The following RPF2 variants were observed in gnomAD, a reference collection of about 807,000 sequenced individuals.
RPF2 encodes brix domain containing 1.
Under a neutral mutation model 38.9 loss-of-function variants are expected in RPF2, and 21 were observed. That is an observed-to-expected ratio of 0.54 (90% CI 0.38 to 0.78). RPF2 has a LOEUF of 0.78. RPF2 is among the 30% of genes least tolerant of loss of function. RPF2 has a pLI of 0.00. For synonymous variants in RPF2, 121 were observed against 126.2 expected, an observed-to-expected ratio of 0.96 and a Z score of 0.28; for missense variants, 314 against 358.1, an observed-to-expected ratio of 0.88 and a Z score of 0.99.
chr6:110,985,222 C>T (rs572862137), intron 2 of RPF2, 84 bp downstream of exon 2: 32 of 1,181,390 alleles, frequency 2.7e-5, no homozygotes, highest in Middle Eastern at 2.1e-4. Flanking sequence ...CGGAGAAATA[C>T]GTAGATAAGC....
chr6:111,022,973 A>G (rs955107401), intron 8 of RPF2, among the ~76,000 whole-genome samples: 1 of 152,250 alleles, frequency 6.6e-6, no homozygotes, highest in African/African-American at 2.4e-5. Flanking sequence ...ATCTCGGCTC[A>G]CTGCAACCTC....
chr6:110,982,191 G>A, intron 1 of RPF2, 62 bp downstream of exon 1: 1 of 1,574,796 alleles, frequency 6.4e-7, no homozygotes, highest in Non-Finnish European at 8.7e-7. Context: ...TGATGAGGGT[G>A]GTACTGTCTC....
At chr6:110,993,290 C>T (rs1020758237) in intron 4 of RPF2, among the ~76,000 whole-genome samples, 2 of 135,020 alleles carry the variant, frequency 1.5e-5, no homozygotes, top group African/African-American at 6.0e-5. Context: ...GTTCACTTGA[C>T]CTTTTTAATG....
chr6:111,008,181 ACAGTCT>A (rs1771950357), intron 7 of RPF2, 44 bp downstream of exon 7: 1 of 1,534,782 alleles, frequency 6.5e-7, no homozygotes, highest in South Asian at 1.3e-5. Flanking sequence ...GCTCAGGAAG[ACAGTCT>A]CAGACTCTCA....
In RPF2 at chr6:111,009,222, A is replaced by AT. The variant is rs371506040; in HGVS notation, c.493+1090dup. On this transcript the variant is annotated intron_variant, in intron 7 of 9. Coordinates refer to ENST00000441448, the MANE Select transcript of RPF2 (RefSeq NM_032194.3). Reference sequence around the variant, plus strand: ...AGGCACCTGCCACCATGCCCAGCTTATTTTTGTATTTTTAGTAGAGATGGA... The same window carrying AT: ...AGGCACCTGCCACCATGCCCAGCTTATTTTTTGTATTTTTAGTAGAGATGGA... Among the ~76,000 whole-genome samples, 280 of 151,994 alleles carry AT rather than the reference A, an allele frequency of 1.8e-3. 1 individual carries two copies. Among genetic ancestry groups the AT allele is most frequent in the African/African-American group, 6.5e-3 (268 of 41,472 alleles).
chr6:111,024,837 A>G (rs1473003920), intron 9 of RPF2, among the ~76,000 whole-genome samples: 1 of 152,234 alleles, frequency 6.6e-6, no homozygotes, highest in African/African-American at 2.4e-5. Context: ...AAGAGTTGCA[A>G]AACCCAGACA....
At chr6:110,998,304 G>A (rs985206652) in intron 5 of RPF2, among the ~76,000 whole-genome samples, 1 of 152,174 alleles carries the variant, frequency 6.6e-6, no homozygotes, top group Non-Finnish European at 1.5e-5. Flanking sequence ...GGAGTTGTAC[G>A]TATGCTCATT....
intron 8 of RPF2, among the ~76,000 whole-genome samples, chr6:111,019,567 T>C (rs1479094654): frequency 6.6e-6 from 1 of 151,902 alleles, no homozygotes; most frequent in Non-Finnish European, 1.5e-5. Flanking sequence ...CATAACACCG[T>C]CGCTACTAAA....
rs1352359230 is a variant in RPF2, at chr6:111,015,870, T to TTTCC, written c.596+15_596+16insTCCT. On this transcript the variant is annotated intron_variant, in intron 8 of 9. Transcript: ENST00000441448. ...TCGAAGCTATAAGTAAGTGCATTTCTTCACATATTTTCTTAATCCTCAGGG... is the reference window on the plus strand; with the variant it reads ...TCGAAGCTATAAGTAAGTGCATTTCTTTCCTCACATATTTTCTTAATCCTCAGGG... 2.0e-5 allele frequency: 31 copies of TTTCC among 1,536,174 alleles called. No homozygotes were observed. Among genetic ancestry groups the TTTCC allele is most frequent in the Non-Finnish European group, 2.7e-5 (30 of 1,109,710 alleles).
In RPF2 at chr6:111,025,569, T is replaced by C; in HGVS notation, c.908T>C (p.Ile303Thr). The change falls in exon 10 of 10, where the codon ATT (isoleucine) becomes ACT (threonine). Residue 303 changes from isoleucine (I) to threonine (T), a missense_variant. Transcript: ENST00000441448. ...GACCACGAGAAAAAGTCAAAAAGAA[T>C]TAAAAAAAATTGATGGAACTTAGCC... ...TEDHEKKSKR[I>T]KKN is the part of the protein sequence containing the mutation. 1.2e-6 allele frequency: 2 copies of C among 1,603,662 alleles called. No individual in the cohort carries two copies. The highest frequency in any genetic ancestry group is 1.7e-6 in the Non-Finnish European group (2 of 1,177,188).
chr6:111,024,704 C>CAAA (rs397737242), intron 9 of RPF2, among the ~76,000 whole-genome samples: 16 of 89,242 alleles, frequency 1.8e-4, no homozygotes, highest in Middle Eastern at 7.9e-3. Context: ...CAGAGTGAGC[C>CAAA]AAAAAAAAAA....
intron 5 of RPF2, 90 bp from the exon 6 acceptor site, chr6:110,999,621 T>G: frequency 1.3e-6 from 1 of 776,498 alleles, no homozygotes; most frequent in Non-Finnish European, 2.3e-6. Flanking sequence ...GAGGCAGATA[T>G]TAGGACATTT....
chr6:110,988,745 A>G (rs1771567438), intron 2 of RPF2, among the ~76,000 whole-genome samples: 1 of 152,166 alleles, frequency 6.6e-6, no homozygotes, highest in South Asian at 2.1e-4. Flanking sequence ...GTTTCCCTAG[A>G]GAGAGACTGG....
intron 1 of RPF2, among the ~76,000 whole-genome samples, chr6:110,984,180 C>T (rs996239938): frequency 1.3e-5 from 2 of 152,104 alleles, no homozygotes; most frequent in Non-Finnish European, 2.9e-5. Flanking sequence ...TGTTGGAGTG[C>T]AACAGTGTAT....
intron 2 of RPF2, among the ~76,000 whole-genome samples, chr6:110,986,261 T>C (rs1002196652): frequency 3.9e-5 from 6 of 152,154 alleles, no homozygotes; most frequent in African/African-American, 1.4e-4. Flanking sequence ...AAGCAAGAGA[T>C]ACCATCAGTC....
At chr6:111,020,366 G>GA (rs1223651267) in intron 8 of RPF2, among the ~76,000 whole-genome samples, 5 of 152,162 alleles carry the variant, frequency 3.3e-5, no homozygotes, top group Non-Finnish European at 5.9e-5. Flanking sequence ...GTTAAACATA[G>GA]AGGGGATACA....
At chr6:110,997,149 G>A (rs755956363) in intron 4 of RPF2, 34 bp from the exon 5 acceptor site, 2 of 1,292,682 alleles carry the variant, frequency 1.5e-6, no homozygotes, top group East Asian at 2.3e-5. Flanking sequence ...TTAAATTTAT[G>A]CATGGACTAA....
chr6:110,998,944 CAAA>C (rs34900246), intron 5 of RPF2, among the ~76,000 whole-genome samples: 13,186 of 86,102 alleles, frequency 0.15, 631 homozygotes, highest in Middle Eastern at 0.25. Flanking sequence ...GTCTTCATCT[CAAA>C]AAAAAAAAAA....
chr6:111,021,578 T>G (rs762535656), intron 8 of RPF2, among the ~76,000 whole-genome samples: 1 of 152,180 alleles, frequency 6.6e-6, no homozygotes, highest in African/African-American at 2.4e-5. Context: ...CCACGTGACA[T>G]GGGCAGGTCA....
Sources: gnomAD v4.1 joint callset for allele counts (sites outside exome capture counted in the v4.1 genomes callset) on GRCh38, gnomAD v4.1.1 for gene constraint, MANE v1.5 for transcripts, NCBI Gene and HGNC (gene_info 2026-07-23, HGNC 2026-07-21) for gene names.